PRSS38: variants seen among roughly 807,000 people sequenced by gnomAD.
The protein encoded by PRSS38 is serine protease 38, also known as marapsin 2.
PRSS38 carries 22 observed loss-of-function variants against 26.8 expected under a neutral mutation model. That is an observed-to-expected ratio of 0.82 (90% CI 0.59 to 1.17). The LOEUF is 1.17. Among genes scored for constraint, PRSS38 ranks in the 50% most tolerant of loss-of-function variants. PRSS38 has a pLI of 0.00. For missense variants in PRSS38, 427 were observed against 422.7 expected, an observed-to-expected ratio of 1.01 and a Z score of -0.09; for synonymous variants, 175 against 172.1, an observed-to-expected ratio of 1.02 and a Z score of -0.13.
In PRSS38 at chr1:227,840,724, G is replaced by A. The variant is rs114954132; in HGVS notation, c.584-4746G>A. On this transcript the variant is annotated intron_variant, in intron 3 of 4. Transcript: ENST00000366757. ...TTTGAAAATTGGCATCTTCTCTTTC[G>A]AGTTTCTCTCTTTTCTGTAGTGCCT... Among the ~76,000 whole-genome samples the A allele has an allele frequency of 9.7e-3, 1,483 of 152,122 alleles. 18 individuals carry two copies. The highest frequency in any genetic ancestry group is 0.033 in the African/African-American group (1,382 of 41,504).
chr1:227,817,300 G>A, exon 3 of PRSS38: 2 of 1,614,196 alleles, frequency 1.2e-6, no homozygotes, highest in Non-Finnish European at 8.5e-7. Context: ...GGTGAACAGG[G>A]TGATCCTGCA....
chr1:227,820,182 G>A lies in PRSS38; in HGVS notation c.583+2702G>A, dbSNP rs186304919. Among the ~76,000 whole-genome samples, 809 of 148,362 alleles carry A rather than the reference G, an allele frequency of 5.5e-3. 7 individuals are homozygous for A. Among genetic ancestry groups the A allele is most frequent in the African/African-American group, 0.019 (782 of 40,450 alleles). ...ACTTTACTGAATTTGTTTATTATAT[G>A]TAGTAGTTTTGTTTTTTTTTTAAAG... On this transcript the variant is annotated intron_variant, in intron 3 of 4. Coordinates refer to ENST00000366757, the Ensembl canonical transcript of PRSS38.
intron 3 of PRSS38, among the ~76,000 whole-genome samples, chr1:227,826,877 T>C (rs1665081282): frequency 6.6e-6 from 1 of 152,238 alleles, no homozygotes; most frequent in Admixed American, 6.5e-5. Flanking sequence ...GTTTAGAGTT[T>C]TTAACATGAA....
chr1:227,833,835 C>T (rs967524400), intron 3 of PRSS38, among the ~76,000 whole-genome samples: 35 of 152,142 alleles, frequency 2.3e-4, no homozygotes, highest in African/African-American at 7.7e-4. Flanking sequence ...TATATCAACT[C>T]GAAGTATAAA....
chr1:227,830,803 C>G (rs1481236935), intron 3 of PRSS38, among the ~76,000 whole-genome samples: 2 of 152,018 alleles, frequency 1.3e-5, no homozygotes, highest in Admixed American at 6.6e-5. Context: ...CCGTGCCCGG[C>G]CTTAAGGTAT....
intron 3 of PRSS38, among the ~76,000 whole-genome samples, chr1:227,825,012 T>C (rs1053173559): frequency 3.7e-4 from 57 of 152,318 alleles, no homozygotes; most frequent in Middle Eastern, 3.4e-3. Flanking sequence ...TCTCCCATTC[T>C]GTAGGTTGTC....
chr1:227,834,215 G>A (rs1300244136), intron 3 of PRSS38, among the ~76,000 whole-genome samples: 1 of 152,152 alleles, frequency 6.6e-6, no homozygotes, highest in Non-Finnish European at 1.5e-5. Context: ...CAGACTTCAG[G>A]TGTGCAGAGC....
chr1:227,819,589 C>A (rs1664971721), intron 3 of PRSS38, among the ~76,000 whole-genome samples: 1 of 152,116 alleles, frequency 6.6e-6, no homozygotes, highest in Admixed American at 6.5e-5. Flanking sequence ...CAATATTAAA[C>A]CTGCCTATCC....
chr1:227,818,881 T>A (rs1664961542), intron 3 of PRSS38, among the ~76,000 whole-genome samples: 1 of 152,160 alleles, frequency 6.6e-6, no homozygotes, highest in Non-Finnish European at 1.5e-5. Context: ...CATAAAACAC[T>A]CTGATCCTAG....
intron 3 of PRSS38, among the ~76,000 whole-genome samples, chr1:227,839,009 G>T (rs1452429689): frequency 6.6e-6 from 1 of 152,158 alleles, no homozygotes; most frequent in Non-Finnish European, 1.5e-5. Flanking sequence ...TAATGCCAAG[G>T]AATAAGTGTT....
chr1:227,845,377 T>C (rs1174171120), intron 3 of PRSS38, 93 bp from the exon 4 acceptor site: 3 of 848,962 alleles, frequency 3.5e-6, no homozygotes, highest in East Asian at 2.6e-5. Context: ...CTCCTCTCCA[T>C]GGGCTATCCC....
chr1:227,828,727 C>T (rs945418240), intron 3 of PRSS38, among the ~76,000 whole-genome samples: 3 of 150,840 alleles, frequency 2.0e-5, no homozygotes, highest in South Asian at 4.3e-4. Flanking sequence ...TAAGTGGGTC[C>T]CTGATTCTGT....
chr1:227,829,574 T>C (rs1665122589), intron 3 of PRSS38, among the ~76,000 whole-genome samples: 1 of 152,200 alleles, frequency 6.6e-6, no homozygotes. Context: ...ATATACAGTA[T>C]ATTGTATATA....
intron 3 of PRSS38, among the ~76,000 whole-genome samples, chr1:227,821,269 T>A (rs186669539): frequency 1.2e-3 from 178 of 152,330 alleles, no homozygotes; most frequent in African/African-American, 4.1e-3. Flanking sequence ...CACATTTTTT[T>A]AATCCAGTCT....
chr1:227,838,223 T>C (rs1665266413), intron 3 of PRSS38, among the ~76,000 whole-genome samples: 1 of 152,244 alleles, frequency 6.6e-6, no homozygotes, highest in Non-Finnish European at 1.5e-5. Context: ...TCAACATCTA[T>C]TCTAGAAGCG....
At chr1:227,820,920 C>T (rs1664994233) in intron 3 of PRSS38, among the ~76,000 whole-genome samples, 1 of 152,094 alleles carries the variant, frequency 6.6e-6, no homozygotes, top group African/African-American at 2.4e-5. Context: ...TTTCAGATTT[C>T]CTATTTCTTC....
At chr1:227,817,559 A>G in intron 3 of PRSS38, 79 bp downstream of exon 3, 3 of 1,480,634 alleles carry the variant, frequency 2.0e-6, no homozygotes, top group Non-Finnish European at 2.8e-6. Context: ...TCTGCCAGCT[A>G]AGGGGGTCCA....
At chr1:227,820,817 G>T (rs533612546) in intron 3 of PRSS38, among the ~76,000 whole-genome samples, 1 of 152,072 alleles carries the variant, frequency 6.6e-6, no homozygotes, top group Admixed American at 6.6e-5. Context: ...TTAAATATTT[G>T]GTAGAATTTA....
chr1:227,842,171 G>C (rs1665347353), intron 3 of PRSS38, among the ~76,000 whole-genome samples: 1 of 152,142 alleles, frequency 6.6e-6, no homozygotes, highest in African/African-American at 2.4e-5. Context: ...ATGGGATTTG[G>C]AGGGGACAAA....
Sources: allele counts gnomAD v4.1 joint callset (sites outside exome capture counted in the v4.1 genomes callset), GRCh38; gene constraint gnomAD v4.1.1; transcripts MANE v1.5; gene names NCBI Gene and HGNC (gene_info 2026-07-23, HGNC 2026-07-21).